Variants in KIAA0319L observed in about 807,000 individuals in gnomAD.
KIAA0319L encodes the protein KIAA0319 like, also known as dyslexia-associated protein KIAA0319-like protein.
In KIAA0319L, 55 loss-of-function variants were observed where a neutral mutation model predicts 120.1. The observed-to-expected ratio is 0.46, with a 90% CI of 0.37 to 0.57. The LOEUF (loss-of-function observed/expected upper bound fraction) is 0.57. KIAA0319L is among the 20% of genes least tolerant of loss of function. The pLI is 0.00. For synonymous variants in KIAA0319L, 398 were observed against 471.9 expected, an observed-to-expected ratio of 0.84 and a Z score of 2.03; for missense variants, 1,049 against 1,255.3, an observed-to-expected ratio of 0.84 and a Z score of 2.48.
intron 2 of KIAA0319L, 82 bp downstream of exon 2, chr1:35,554,268 A>C: frequency 3.8e-6 from 4 of 1,056,032 alleles, no homozygotes; most frequent in Non-Finnish European, 5.2e-6. Flanking sequence ...GCCTCCTAAT[A>C]GTCCTTAAAA....
intron 2 of KIAA0319L, among the ~76,000 whole-genome samples, chr1:35,525,321 C>A (rs1043604914): frequency 3.9e-5 from 6 of 152,112 alleles, no homozygotes; most frequent in African/African-American, 9.7e-5. Flanking sequence ...GTGCACATAT[C>A]CCTTTAATAT....
chr1:35,534,217 A>G (rs1364079978), intron 2 of KIAA0319L, among the ~76,000 whole-genome samples: 1 of 152,252 alleles, frequency 6.6e-6, no homozygotes, highest in Non-Finnish European at 1.5e-5. Flanking sequence ...TGTATGGTGT[A>G]GATGATTTGC....
chr1:35,551,613 C>G (rs1326779590), intron 2 of KIAA0319L, among the ~76,000 whole-genome samples: 1 of 152,086 alleles, frequency 6.6e-6, no homozygotes, highest in Non-Finnish European at 1.5e-5. Context: ...GCCACCGCGC[C>G]CAGCCCTATT....
At chr1:35,546,461 C>G (rs763145391) in intron 2 of KIAA0319L, among the ~76,000 whole-genome samples, 2 of 152,140 alleles carry the variant, frequency 1.3e-5, no homozygotes, top group African/African-American at 2.4e-5. Context: ...TTACTGAACT[C>G]AGAAGAGGAT....
At chr1:35,481,814 C>CTTTT (rs747721221) in intron 3 of KIAA0319L, among the ~76,000 whole-genome samples, 2 of 48,944 alleles carry the variant, frequency 4.1e-5, no homozygotes, top group African/African-American at 8.0e-5. Flanking sequence ...TCTGCTGTTT[C>CTTTT]TTTTTTTTTT....
intron 4 of KIAA0319L, among the ~76,000 whole-genome samples, chr1:35,477,731 A>G (rs1362637463): frequency 6.6e-6 from 1 of 151,278 alleles, no homozygotes; most frequent in African/African-American, 2.4e-5. Flanking sequence ...AATGGTTTTT[A>G]TACAAAAGAC....
At chr1:35,465,693 G>A (rs1312017810) in intron 7 of KIAA0319L, among the ~76,000 whole-genome samples, 2 of 152,136 alleles carry the variant, frequency 1.3e-5, no homozygotes, top group African/African-American at 2.4e-5. Context: ...TGGTTTGGCT[G>A]TGTCCCCACC....
At chr1:35,553,341 C>A in intron 2 of KIAA0319L, among the ~76,000 whole-genome samples, 1 of 147,846 alleles carries the variant, frequency 6.8e-6, no homozygotes. Flanking sequence ...CCCAGCAAAG[C>A]ATCATCTGGG....
intron 2 of KIAA0319L, among the ~76,000 whole-genome samples, chr1:35,552,597 A>G (rs1647319776): frequency 6.6e-6 from 1 of 152,178 alleles, no homozygotes; most frequent in African/African-American, 2.4e-5. Flanking sequence ...TGTAATGTTT[A>G]CAATTAGGAG....
rs1641072389 is a variant in KIAA0319L at position 35,439,846 on chromosome 1, T to C, written c.2962+1201A>G. The C allele has an allele frequency of 2.6e-5, 4 of 152,126 alleles. No individual in the cohort carries two copies. The South Asian group carries it at 8.3e-4, about 32-fold the overall frequency. 9.4% of individuals were successfully genotyped at this position (152,126 alleles called of 1,614,324 possible). Reference sequence around the variant, plus strand: ...ACTGGATGAACCAGAAGAACTTGTTTAGAAAAGAGGGAGATCAGCAAAGAG... The same window carrying C: ...ACTGGATGAACCAGAAGAACTTGTTCAGAAAAGAGGGAGATCAGCAAAGAG... On this transcript the variant is annotated intron_variant, in intron 20 of 20. Coordinates refer to ENST00000325722, the MANE Select transcript of KIAA0319L (RefSeq NM_024874.5).
chr1:35,557,654 C>T, upstream of KIAA0319L: 6 of 457,136 alleles, frequency 1.3e-5, no homozygotes, highest in South Asian at 9.3e-5. Flanking sequence ...CGGGCAATAC[C>T]CACAAGCAAG....
intron 6 of KIAA0319L, among the ~76,000 whole-genome samples, 176 bp from the exon 7 acceptor site, chr1:35,466,871 C>T (rs1643299526): frequency 6.6e-6 from 1 of 152,130 alleles, no homozygotes; most frequent in African/African-American, 2.4e-5. Flanking sequence ...GCGGGTGGAT[C>T]ACTTGAGTTC....
intron 16 of KIAA0319L, among the ~76,000 whole-genome samples, chr1:35,447,879 C>T (rs577679465): frequency 6.6e-6 from 1 of 152,242 alleles, no homozygotes; most frequent in South Asian, 2.1e-4. Flanking sequence ...TCCACAATGC[C>T]GCTTGTTGTA....
At chr1:35,535,585 T>C (rs1570989188) in intron 2 of KIAA0319L, among the ~76,000 whole-genome samples, 1 of 152,324 alleles carries the variant, frequency 6.6e-6, no homozygotes, top group South Asian at 2.1e-4. Flanking sequence ...ACAGAGTTAT[T>C]AAAGATATAA....
At chr1:35,463,529 G>C (rs1643044236) in intron 7 of KIAA0319L, among the ~76,000 whole-genome samples, 1 of 152,152 alleles carries the variant, frequency 6.6e-6, no homozygotes, top group South Asian at 2.1e-4. Flanking sequence ...TGATGGGAAG[G>C]TCACAAACCA....
At chr1:35,452,825 T>TCAAACAAACAAA (rs34021272) in intron 12 of KIAA0319L, among the ~76,000 whole-genome samples, 72 of 151,448 alleles carry the variant, frequency 4.8e-4, no homozygotes, top group African/African-American at 1.4e-3. Context: ...AATGCCTTTG[T>TCAAACAAACAAA]CAAACAAACA....
At chr1:35,484,446 T>C (rs1644286400) in intron 3 of KIAA0319L, among the ~76,000 whole-genome samples, 1 of 152,172 alleles carries the variant, frequency 6.6e-6, no homozygotes, top group African/African-American at 2.4e-5. Flanking sequence ...TCCCAATTAT[T>C]CATTGCTAAT....
chr1:35,470,283 A>G (rs1643535220), intron 6 of KIAA0319L, among the ~76,000 whole-genome samples: 1 of 152,036 alleles, frequency 6.6e-6, no homozygotes, highest in Non-Finnish European at 1.5e-5. Context: ...GCTTGAGACC[A>G]GGTGTTCAAG....
At chr1:35,439,982 G>A (rs1641081466) in intron 20 of KIAA0319L, 1 of 152,282 alleles carries the variant, frequency 6.6e-6, no homozygotes, top group Non-Finnish European at 1.5e-5. Flanking sequence ...ATGTCAGGGG[G>A]TGAAAAACAT....
Sources: allele counts gnomAD v4.1 joint callset (sites outside exome capture counted in the v4.1 genomes callset), GRCh38; gene constraint gnomAD v4.1.1; transcripts MANE v1.5; gene names NCBI Gene and HGNC (gene_info 2026-07-23, HGNC 2026-07-21).